Variants in KIAA1328 observed in about 807,000 individuals in gnomAD.
KIAA1328 encodes the protein KIAA1328.
KIAA1328 carries 52 observed loss-of-function variants against 68.1 expected under a neutral mutation model. The observed-to-expected ratio is 0.76, with a 90% CI of 0.61 to 0.96. The LOEUF (loss-of-function observed/expected upper bound fraction) is 0.96, where lower values mean the gene tolerates loss of function less well. Ranked by LOEUF, KIAA1328 falls within the 40% of genes least tolerant of loss-of-function variation. The pLI, the probability that KIAA1328 is intolerant of heterozygous loss-of-function variation, is 0.00. For missense variants in KIAA1328, 641 were observed against 677.6 expected, an observed-to-expected ratio of 0.95 and a Z score of 0.60; for synonymous variants, 232 against 239.4, an observed-to-expected ratio of 0.97 and a Z score of 0.28.
chr18:36,893,455 G>GTGTTTT (rs2048761394), intron 5 of KIAA1328, among the ~76,000 whole-genome samples: 1 of 137,220 alleles, frequency 7.3e-6, no homozygotes, highest in African/African-American at 2.7e-5. Context: ...GTGTGTGTGT[G>GTGTTTT]TGTGTGTTTT....
intron 9 of KIAA1328, among the ~76,000 whole-genome samples, chr18:37,218,431 T>G (rs2060489504): frequency 6.6e-6 from 1 of 152,212 alleles, no homozygotes; most frequent in Non-Finnish European, 1.5e-5. Flanking sequence ...CAAATGGAGT[T>G]TGTCCGGCTT....
intron 6 of KIAA1328, among the ~76,000 whole-genome samples, chr18:36,995,350 T>C (rs1252364313): frequency 6.6e-6 from 1 of 152,172 alleles, no homozygotes; most frequent in African/African-American, 2.4e-5. Context: ...CTTAATCCAG[T>C]CTATCATTGA....
At chr18:37,180,102 ACAC>A (rs1395177210) in intron 9 of KIAA1328, among the ~76,000 whole-genome samples, 2 of 140,904 alleles carry the variant, frequency 1.4e-5, no homozygotes, top group African/African-American at 5.2e-5. Context: ...ACACACACAC[ACAC>A]ATTTTTATAC....
intron 7 of KIAA1328, among the ~76,000 whole-genome samples, chr18:37,120,215 AT>A (rs1413666609): frequency 8.3e-6 from 1 of 120,050 alleles, no homozygotes; most frequent in Non-Finnish European, 1.6e-5. Context: ...CAACATACCA[AT>A]TAGTCTGTGA....
intron 7 of KIAA1328, among the ~76,000 whole-genome samples, chr18:37,148,717 T>C (rs956922835): frequency 6.6e-6 from 1 of 152,220 alleles, no homozygotes; most frequent in Non-Finnish European, 1.5e-5. Context: ...TATCTAATGA[T>C]CAGTGATGTT....
chr18:36,859,437 A>G (rs1166464240), intron 4 of KIAA1328, among the ~76,000 whole-genome samples: 6 of 151,418 alleles, frequency 4.0e-5, no homozygotes, highest in Non-Finnish European at 7.4e-5. Flanking sequence ...TTTAATGTCT[A>G]TATCTAAATG....
intron 7 of KIAA1328, among the ~76,000 whole-genome samples, chr18:37,138,157 G>A (rs1002096009): frequency 8.5e-5 from 13 of 152,124 alleles, no homozygotes; most frequent in Non-Finnish European, 1.5e-5. Flanking sequence ...TAGTGTATAT[G>A]TGCTGAGCAT....
intron 7 of KIAA1328, among the ~76,000 whole-genome samples, chr18:37,100,030 A>G (rs1403790482): frequency 2.0e-5 from 3 of 152,032 alleles, no homozygotes; most frequent in Admixed American, 6.5e-5. Flanking sequence ...TCTTTATCCA[A>G]TTTGCCAGTC....
At chr18:37,015,058 A>G (rs2151503814) in intron 6 of KIAA1328, among the ~76,000 whole-genome samples, 1 of 152,264 alleles carries the variant, frequency 6.6e-6, no homozygotes, top group African/African-American at 2.4e-5. Context: ...ACGCACTGCC[A>G]TGCCCAGCTA....
At position 36,959,524 on chromosome 18, in the gene KIAA1328, A is replaced by C. The variant is rs535561981; in HGVS notation, c.576+89A>C. ...TTGTTTTTTATCTTAATTTCCTCCC[A>C]GTATATAATATTGTTTTAAAACATG... is the stretch of plus-strand genomic sequence containing the variant. On this transcript the variant is annotated intron_variant, in intron 6 of 9. Coordinates refer to ENST00000280020, the MANE Select transcript of KIAA1328 (RefSeq NM_020776.3). 14 of 1,356,300 alleles carry C rather than the reference A, an allele frequency of 1.0e-5. No individual in the cohort carries two copies. The South Asian group carries it at 1.7e-4, about 17-fold the overall frequency. 84.0% of individuals were successfully genotyped at this position (1,356,300 alleles called of 1,614,324 possible).
chr18:36,952,500 G>T (rs2051201677), intron 5 of KIAA1328, among the ~76,000 whole-genome samples: 1 of 151,848 alleles, frequency 6.6e-6, no homozygotes, highest in Non-Finnish European at 1.5e-5. Flanking sequence ...ATTTGCAGTT[G>T]CCCTGTGAGG....
chr18:36,906,615 CA>C (rs1224182455), intron 5 of KIAA1328, among the ~76,000 whole-genome samples: 2 of 151,892 alleles, frequency 1.3e-5, no homozygotes, highest in African/African-American at 4.8e-5. Flanking sequence ...TTTTGTGGTA[CA>C]TTAGTAGATA....
chr18:36,835,510 A>T, intron 3 of KIAA1328, 134 bp downstream of exon 3: 1 of 910,766 alleles, frequency 1.1e-6, no homozygotes. Flanking sequence ...GGATTCCAGG[A>T]TCCTTTGATG....
intron 6 of KIAA1328, among the ~76,000 whole-genome samples, chr18:36,978,941 T>C (rs1410282063): frequency 6.6e-6 from 1 of 152,156 alleles, no homozygotes; most frequent in Non-Finnish European, 1.5e-5. Flanking sequence ...GGCAGGTGGA[T>C]CACTTGAAGC....
chr18:37,024,635 T>C (rs1233087230), intron 6 of KIAA1328, among the ~76,000 whole-genome samples: 2 of 151,926 alleles, frequency 1.3e-5, no homozygotes, highest in Non-Finnish European at 2.9e-5. Flanking sequence ...GTGTTTGGTT[T>C]TCTGTCCTTG....
At chr18:36,900,380 T>C (rs1014585638) in intron 5 of KIAA1328, among the ~76,000 whole-genome samples, 3 of 151,990 alleles carry the variant, frequency 2.0e-5, no homozygotes, top group African/African-American at 4.8e-5. Context: ...AGAAAACTGC[T>C]GAGAGGCAAT....
At chr18:36,909,378 T>A (rs554232571) in intron 5 of KIAA1328, among the ~76,000 whole-genome samples, 3 of 150,614 alleles carry the variant, frequency 2.0e-5, no homozygotes, top group South Asian at 4.2e-4. Flanking sequence ...TGAGAACATG[T>A]GGTGTTTGGT....
downstream of KIAA1328, among the ~76,000 whole-genome samples, chr18:37,227,395 C>T (rs2060645813): frequency 1.3e-5 from 2 of 152,204 alleles, no homozygotes; most frequent in African/African-American, 4.8e-5. Context: ...ACTTCCGTAA[C>T]TAGAGAGGAG....
intron 7 of KIAA1328, among the ~76,000 whole-genome samples, chr18:37,100,708 G>A (rs1313043704): frequency 6.6e-6 from 1 of 152,200 alleles, no homozygotes; most frequent in Non-Finnish European, 1.5e-5. Flanking sequence ...ATCTGAGAAC[G>A]AACAGACTGC....
Sources: gnomAD v4.1 joint callset for allele counts (sites outside exome capture counted in the v4.1 genomes callset) on GRCh38, gnomAD v4.1.1 for gene constraint, MANE v1.5 for transcripts, NCBI Gene and HGNC (gene_info 2026-07-23, HGNC 2026-07-21) for gene names.